The following PLCXD3 variants were observed in gnomAD, a reference collection of about 807,000 sequenced individuals.
PLCXD3 encodes PI-PLC X domain-containing protein 3.
A neutral mutation model predicts 25.5 loss-of-function variants in PLCXD3; 19 were observed. That is an observed-to-expected ratio of 0.75 (90% CI 0.52 to 1.09). The LOEUF is 1.09. PLCXD3 is among the 50% of genes least tolerant of loss of function. The pLI is 0.00. For synonymous variants in PLCXD3, 174 were observed against 137.6 expected, an observed-to-expected ratio of 1.26 and a Z score of -1.85; for missense variants, 411 against 388.1, an observed-to-expected ratio of 1.06 and a Z score of -0.50.
chr5:41,381,510 G>A (rs1038660381), intron 2 of PLCXD3, among the ~76,000 whole-genome samples: 2 of 152,028 alleles, frequency 1.3e-5, no homozygotes, highest in Non-Finnish European at 2.9e-5. Flanking sequence ...AGAGACTGGA[G>A]TGATGCATGT....
chr5:41,459,978 G>A (rs1488347863), intron 1 of PLCXD3, among the ~76,000 whole-genome samples: 6 of 151,904 alleles, frequency 3.9e-5, no homozygotes, highest in Admixed American at 3.9e-4. Context: ...TCAAGATAAA[G>A]CACCAAGAAA....
rs1032551904 is a variant in PLCXD3 at position 41,311,154 on chromosome 5, C to T, written c.*2463G>A. On this transcript the variant is annotated 3_prime_UTR_variant, in exon 3 of 3. Coordinates refer to ENST00000377801, the MANE Select transcript of PLCXD3 (RefSeq NM_001005473.3). ...TGCAAATATTCTTGGCTAAGATCCT[C>T]CTGAAGGATGAATGAATAGCCAGTT... is the stretch of plus-strand genomic sequence containing the variant. 6.6e-6 allele frequency: 1 copy of T among 152,004 alleles called. No homozygotes were observed. The highest frequency in any genetic ancestry group is 1.5e-5 in the Non-Finnish European group (1 of 67,992). 9.4% of individuals were successfully genotyped at this position (152,004 alleles called of 1,614,324 possible). A position where few individuals can be genotyped will look rare whatever the true frequency, so the allele number is the denominator to read the frequency against.
chr5:41,487,189 T>C (rs956191829), intron 1 of PLCXD3, among the ~76,000 whole-genome samples: 1 of 152,200 alleles, frequency 6.6e-6, no homozygotes, highest in African/African-American at 2.4e-5. Flanking sequence ...AAACAAAATC[T>C]TATTTTATTT....
At chr5:41,374,589 A>G (rs1277288212) in intron 2 of PLCXD3, among the ~76,000 whole-genome samples, 2 of 152,138 alleles carry the variant, frequency 1.3e-5, no homozygotes, top group Non-Finnish European at 2.9e-5. Context: ...GTATGCATAC[A>G]TATCTATAGA....
chr5:41,492,331 TG>T (rs1311981823), intron 1 of PLCXD3, among the ~76,000 whole-genome samples: 2 of 152,136 alleles, frequency 1.3e-5, no homozygotes, highest in Non-Finnish European at 2.9e-5. Flanking sequence ...CTTCCCTTTG[TG>T]GGTAACCCGA....
At chr5:41,440,000 G>A (rs545371238) in intron 1 of PLCXD3, among the ~76,000 whole-genome samples, 1 of 152,092 alleles carries the variant, frequency 6.6e-6, no homozygotes, top group Admixed American at 6.5e-5. Context: ...GAAATGGAAA[G>A]AAGTCAGTTG....
intron 2 of PLCXD3, among the ~76,000 whole-genome samples, chr5:41,361,500 C>T (rs567760946): frequency 6.6e-6 from 1 of 152,318 alleles, no homozygotes; most frequent in South Asian, 2.1e-4. Context: ...CATGTTGCTC[C>T]ATTCATCCCT....
chr5:41,413,906 G>C (rs1227203195), intron 1 of PLCXD3, among the ~76,000 whole-genome samples: 1 of 152,126 alleles, frequency 6.6e-6, no homozygotes. Context: ...AAGAACATAA[G>C]GGCAATTTTC....
intron 2 of PLCXD3, among the ~76,000 whole-genome samples, chr5:41,324,977 C>T (rs972255515): frequency 5.9e-5 from 9 of 152,162 alleles, no homozygotes; most frequent in East Asian, 1.9e-4. Flanking sequence ...ACCATATTCA[C>T]GTCTCAGAAC....
intron 2 of PLCXD3, among the ~76,000 whole-genome samples, chr5:41,348,088 T>A (rs899444306): frequency 6.6e-6 from 1 of 152,208 alleles, no homozygotes; most frequent in Non-Finnish European, 1.5e-5. Context: ...TTAGTTAACA[T>A]ATCATGGAAT....
intron 1 of PLCXD3, among the ~76,000 whole-genome samples, chr5:41,397,011 T>C (rs576615710): frequency 6.6e-6 from 1 of 152,304 alleles, no homozygotes; most frequent in East Asian, 1.9e-4. Flanking sequence ...TTAAAAGGAA[T>C]GCAGATCATA....
At chr5:41,382,775 T>G (rs1745511559) in intron 1 of PLCXD3, among the ~76,000 whole-genome samples, 1 of 152,108 alleles carries the variant, frequency 6.6e-6, no homozygotes, top group Non-Finnish European at 1.5e-5. Flanking sequence ...ATAATTAAAT[T>G]TAAAATTTAA....
Position 41,329,690 on chromosome 5 carries a change from G to A in PLCXD3, c.813-15920C>T, listed in dbSNP as rs540718242. Among the ~76,000 whole-genome samples, 18 of 151,688 alleles carry A rather than the reference G, an allele frequency of 1.2e-4. 1 individual carries two copies. The highest frequency in any genetic ancestry group is 1.2e-3 in the Admixed American group (18 of 15,212). Reference sequence around the variant, plus strand: ...TGCCTTTCCTTGTGTTGTACATATAGTGTCAGGAGGTTCTGTGCTAATGAT... The same window carrying A: ...TGCCTTTCCTTGTGTTGTACATATAATGTCAGGAGGTTCTGTGCTAATGAT... On this transcript the variant is annotated intron_variant, in intron 2 of 2. Coordinates refer to ENST00000377801, the MANE Select transcript of PLCXD3 (RefSeq NM_001005473.3).
At chr5:41,407,328 T>G (rs942181804) in intron 1 of PLCXD3, among the ~76,000 whole-genome samples, 1 of 152,204 alleles carries the variant, frequency 6.6e-6, no homozygotes, top group Non-Finnish European at 1.5e-5. Context: ...CTCAAAATAC[T>G]TCTACTTGAT....
At chr5:41,332,474 G>T (rs1293416016) in intron 2 of PLCXD3, among the ~76,000 whole-genome samples, 1 of 152,114 alleles carries the variant, frequency 6.6e-6, no homozygotes, top group Non-Finnish European at 1.5e-5. Flanking sequence ...GGAGAAATAG[G>T]AACACTTTTA....
chr5:41,386,371 G>A (rs1745635503), intron 1 of PLCXD3, among the ~76,000 whole-genome samples: 1 of 152,024 alleles, frequency 6.6e-6, no homozygotes, highest in Non-Finnish European at 1.5e-5. Context: ...TACCTTATCT[G>A]TGTAGAATGT....
chr5:41,313,698 G>A lies in PLCXD3; in HGVS notation c.885C>T (p.Ala295=), dbSNP rs756509615. 9.9e-6 allele frequency: 16 copies of A among 1,613,598 alleles called. No individual in the cohort carries two copies. The highest frequency in any genetic ancestry group is 8.9e-5 in the East Asian group (4 of 44,862). ...PGESGINIVT[A]DFVELGDFIS... is the part of the protein sequence containing the mutation. ...TAAAGTCACCAAGTTCTACAAAATC[G>A]GCAGTGACAATATTGATGCCACTCT... is the stretch of plus-strand genomic sequence containing the variant. The change falls in exon 3 of 3, where the codon GCC becomes GCT. Residue 295 remains alanine, a synonymous_variant. Coordinates refer to ENST00000377801, the MANE Select transcript of PLCXD3 (RefSeq NM_001005473.3).
intron 2 of PLCXD3, among the ~76,000 whole-genome samples, chr5:41,345,073 CA>C (rs1419813881): frequency 6.6e-6 from 1 of 152,110 alleles, no homozygotes; most frequent in Non-Finnish European, 1.5e-5. Flanking sequence ...TGGACACAGT[CA>C]AAATAGTCAG....
intron 1 of PLCXD3, among the ~76,000 whole-genome samples, chr5:41,422,372 A>T (rs1454927356): frequency 6.6e-6 from 1 of 152,154 alleles, no homozygotes; most frequent in Non-Finnish European, 1.5e-5. Flanking sequence ...CTTACCTTTG[A>T]CTTTTACAAG....
Sources: gnomAD v4.1 joint callset for allele counts (sites outside exome capture counted in the v4.1 genomes callset) on GRCh38, gnomAD v4.1.1 for gene constraint, MANE v1.5 for transcripts, NCBI Gene and HGNC (gene_info 2026-07-23, HGNC 2026-07-21) for gene names.